The following ATP8A1 variants were observed in gnomAD, a reference collection of about 807,000 sequenced individuals.
ATP8A1 encodes the protein phospholipid-transporting ATPase IA.
ATP8A1 carries 90 observed loss-of-function variants against 177.7 expected under a neutral mutation model. The ratio of observed to expected loss-of-function variants is 0.51; its 90% CI spans 0.43 to 0.60. The LOEUF is 0.60. ATP8A1 is among the 20% of genes least tolerant of loss of function. The pLI, the probability that ATP8A1 is intolerant of heterozygous loss-of-function variation, is 0.00. For missense variants in ATP8A1, 1,072 were observed against 1,392.8 expected, an observed-to-expected ratio of 0.77 and a Z score of 3.67; for synonymous variants, 493 against 485.9, an observed-to-expected ratio of 1.01 and a Z score of -0.19.
At chr4:42,474,584 A>G (rs889101334) in intron 25 of ATP8A1, among the ~76,000 whole-genome samples, 14 of 152,248 alleles carry the variant, frequency 9.2e-5, no homozygotes, top group African/African-American at 3.4e-4. Context: ...GCACAGAGCC[A>G]GGCAGGGACA....
rs760637195 is a variant in ATP8A1, at chr4:42,448,180, A to C, written c.2897-1536T>G. Among the ~76,000 whole-genome samples, 76 of 152,282 alleles carry C rather than the reference A, an allele frequency of 5.0e-4. 1 individual carries two copies. The highest frequency in any genetic ancestry group is 7.8e-4 in the Admixed American group (12 of 15,300). On this transcript the variant is annotated intron_variant, in intron 30 of 36. Coordinates refer to ENST00000381668, the MANE Select transcript of ATP8A1 (RefSeq NM_006095.2). ...GCAAACAAAAAAATAAGTGAGAAAA[A>C]TGGTATTGTTTGGGTTTTCACAATC...
Position 42,624,634 on chromosome 4 carries a change from G to A in ATP8A1, c.265C>T (p.Gln89Ter). The A allele has an allele frequency of 7.7e-7, 1 of 1,304,380 alleles. No individual in the cohort carries two copies. Among genetic ancestry groups the A allele is most frequent in the Non-Finnish European group, 9.9e-7 (1 of 1,005,318 alleles). The allele number at this position is 1,304,380 out of a possible 1,614,324, so 80.8% of individuals were successfully genotyped here. A position where few individuals can be genotyped will look rare whatever the true frequency, so the allele number is the denominator to read the frequency against. The change falls in exon 4 of 37, where the codon CAA becomes TAA. Residue 89 changes from glutamine to a stop codon, truncating the protein, a stop_gained and splice_region_variant. Transcript: ENST00000381668. LOFTEE classifies it high-confidence loss of function. ...SFFLFIALLQ[Q>*]IPDVSPTGRY... is the part of the protein sequence containing the mutation. The stretch of plus-strand genomic sequence containing the variant: ...CCTGTTGGTGACACATCAGGTATTT[G>A]CTGTTTGGAAAAAAAAAAAAAAGAG...
intron 9 of ATP8A1, 78 bp from the exon 10 acceptor site, chr4:42,581,810 AG>A (rs1733111349): frequency 2.0e-6 from 2 of 996,528 alleles, no homozygotes; most frequent in Non-Finnish European, 3.1e-6. Flanking sequence ...TAGTTACAAA[AG>A]TACCCATTAT....
At chr4:42,522,648 CATCAG>C (rs1726259550) in intron 21 of ATP8A1, among the ~76,000 whole-genome samples, 1 of 152,166 alleles carries the variant, frequency 6.6e-6, no homozygotes, top group Non-Finnish European at 1.5e-5. Context: ...ATACATGTTT[CATCAG>C]GTGCCTTCAC....
chr4:42,544,819 T>C (rs1339679769), intron 19 of ATP8A1, among the ~76,000 whole-genome samples: 3 of 152,312 alleles, frequency 2.0e-5, no homozygotes, highest in African/African-American at 7.2e-5. Context: ...CAGTCAGTTA[T>C]GGTATCATAG....
At chr4:42,576,506 A>AAAAAAAAAG (rs1732475679) in intron 12 of ATP8A1, among the ~76,000 whole-genome samples, 1 of 142,452 alleles carries the variant, frequency 7.0e-6, no homozygotes, top group African/African-American at 2.6e-5. Flanking sequence ...AAAAAAAAAA[A>AAAAAAAAAG]GAGCATAGTT....
Position 42,492,409 on chromosome 4 carries a change from C to A in ATP8A1, c.2152-6741G>T, listed in dbSNP as rs1000421599. On this transcript the variant is annotated intron_variant, in intron 24 of 36. Coordinates refer to ENST00000381668, the MANE Select transcript of ATP8A1 (RefSeq NM_006095.2). ...CCCACCAAAATTCATATGTTGAAATCCTAACTCCTATTTTGATGGCGTTAA... is the reference window on the plus strand; with the variant it reads ...CCCACCAAAATTCATATGTTGAAATACTAACTCCTATTTTGATGGCGTTAA... Among the ~76,000 whole-genome samples, 61 of 152,120 alleles carry A rather than the reference C, an allele frequency of 4.0e-4. 2 individuals carry two copies.
intron 9 of ATP8A1, 69 bp downstream of exon 9, chr4:42,586,280 C>T: frequency 6.4e-7 from 1 of 1,551,646 alleles, no homozygotes; most frequent in Non-Finnish European, 8.8e-7. Flanking sequence ...TGTATCCAGA[C>T]TTAGAAGACA....
chr4:42,414,628 G>A lies in ATP8A1; in HGVS notation c.3396C>T (p.Leu1132=), dbSNP rs1203210990. The A allele has an allele frequency of 6.2e-7, 1 of 1,612,782 alleles. No homozygotes were observed. Among genetic ancestry groups the A allele is most frequent in the Non-Finnish European group, 8.5e-7 (1 of 1,178,838 alleles). The change falls in exon 36 of 37, where the codon CTC becomes CTT. Residue 1132 remains leucine, a splice_region_variant and synonymous_variant. Transcript: ENST00000381668. ...AAAATAAGAAACTCAAATACTCACG[G>A]AGCAGATTTTGTTGCAAGGATTCAG... ...YRSESLQQNL[L]HGYAFSQDEN...
At chr4:42,445,952 C>T (rs1388666051) in intron 31 of ATP8A1, among the ~76,000 whole-genome samples, 2 of 151,734 alleles carry the variant, frequency 1.3e-5, no homozygotes, top group Admixed American at 6.6e-5. Flanking sequence ...TGATGGCACA[C>T]GCCTGTAATT....
intron 25 of ATP8A1, among the ~76,000 whole-genome samples, chr4:42,468,962 C>T (rs1038296326): frequency 3.9e-5 from 6 of 152,062 alleles, no homozygotes; most frequent in Admixed American, 3.9e-4. Context: ...TATAAATGTA[C>T]AAACTGTGAT....
intron 20 of ATP8A1, among the ~76,000 whole-genome samples, chr4:42,534,786 A>G (rs1346041678): frequency 6.6e-6 from 1 of 152,196 alleles, no homozygotes; most frequent in Non-Finnish European, 1.5e-5. Flanking sequence ...CTATAAATGA[A>G]AACCTATCAG....
chr4:42,472,363 C>A, intron 25 of ATP8A1: 1 of 395,934 alleles, frequency 2.5e-6, no homozygotes, highest in South Asian at 2.1e-5. Flanking sequence ...TTTTGAATTC[C>A]CAGAGTTTCC....
Position 42,417,336 on chromosome 4 carries a change from CAA to C in ATP8A1, c.3306-2620_3306-2619del, listed in dbSNP as rs5857844. On this transcript the variant is annotated intron_variant, in intron 35 of 36. Coordinates refer to ENST00000381668, the MANE Select transcript of ATP8A1 (RefSeq NM_006095.2). ...GGAACAGCTTAACAGTGTGAAAAGA[CAA>C]AAAAAAAAAACACTAAAGATACCTT... is the stretch of plus-strand genomic sequence containing the variant. Among the ~76,000 whole-genome samples the C allele has an allele frequency of 9.3e-3, 1,347 of 144,550 alleles. 16 individuals are homozygous for C. Among genetic ancestry groups the C allele is most frequent in the African/African-American group, 0.029 (1,140 of 39,876 alleles). The allele number at this position is 144,550 out of a possible 152,430, so 94.8% of individuals were successfully genotyped here.
Position 42,575,792 on chromosome 4 carries a change from A to G in ATP8A1, c.1129-93T>C, listed in dbSNP as rs147958016. The G allele has an allele frequency of 3.2e-4, 335 of 1,031,450 alleles. 1 individual carries two copies. In the African/African-American group the frequency reaches 4.6e-3, roughly 14 times the overall value. The allele number at this position is 1,031,450 out of a possible 1,614,324, so 63.9% of individuals were successfully genotyped here. Reference sequence around the variant, plus strand: ...AAACAATTAGTATATTCGTACTTCAATAAGTCACTGTTTGATGAACTATAT... The same window carrying G: ...AAACAATTAGTATATTCGTACTTCAGTAAGTCACTGTTTGATGAACTATAT... On this transcript the variant is annotated intron_variant, in intron 12 of 36. Coordinates refer to ENST00000381668, the MANE Select transcript of ATP8A1 (RefSeq NM_006095.2).
rs73237923 is a variant in ATP8A1, at chr4:42,650,013, A to G, written c.49+6812T>C. 5.8e-3 allele frequency among the ~76,000 whole-genome samples: 877 copies of G among 152,316 alleles called. 4 individuals are homozygous for G. Among genetic ancestry groups the G allele is most frequent in the Middle Eastern group, 0.02 (6 of 294 alleles). ...CTAAGAAGTAAAGAATGAAGGGGAA[A>G]GTGGTGGCCTTCATGTCATTGACAT... On this transcript the variant is annotated intron_variant, in intron 1 of 36. Transcript: ENST00000381668.
At chr4:42,615,493 T>G (rs959215956) in intron 5 of ATP8A1, among the ~76,000 whole-genome samples, 2 of 152,146 alleles carry the variant, frequency 1.3e-5, no homozygotes, top group Non-Finnish European at 2.9e-5. Flanking sequence ...TTTGCTTGTA[T>G]TGAAGATCAT....
intron 24 of ATP8A1, among the ~76,000 whole-genome samples, chr4:42,487,127 G>C (rs1025779296): frequency 6.6e-6 from 1 of 152,128 alleles, no homozygotes; most frequent in Non-Finnish European, 1.5e-5. Flanking sequence ...ATGATTTCAT[G>C]ATGTTGTATT....
intron 4 of ATP8A1, among the ~76,000 whole-genome samples, chr4:42,616,632 C>G (rs1030776599): frequency 6.6e-6 from 1 of 152,216 alleles, no homozygotes; most frequent in Admixed American, 6.5e-5. Context: ...CTGTTCAATG[C>G]TCCCCAGCAT....
Sources: allele counts gnomAD v4.1 joint callset (sites outside exome capture counted in the v4.1 genomes callset), GRCh38; gene constraint gnomAD v4.1.1; transcripts MANE v1.5; gene names NCBI Gene and HGNC (gene_info 2026-07-23, HGNC 2026-07-21).